STAG1: variants seen among roughly 807,000 people sequenced by gnomAD.
STAG1 encodes the protein STAG1 cohesin complex component, also known as cohesin subunit SA-1.
STAG1 carries 26 observed loss-of-function variants against 170.9 expected under a neutral mutation model. The ratio of observed to expected loss-of-function variants is 0.15; its 90% CI spans 0.11 to 0.21. STAG1 has a LOEUF of 0.21. STAG1 is among the 10% of genes least tolerant of loss of function. The pLI, the probability that STAG1 is intolerant of heterozygous loss-of-function variation, is 1.00. For synonymous variants in STAG1, 514 were observed against 497.7 expected (o/e 1.03, Z -0.44); for missense variants, 964 against 1,509.5 (o/e 0.64, Z 5.99).
intron 6 of STAG1, among the ~76,000 whole-genome samples, chr3:136,521,976 A>G (rs1313191238): frequency 6.6e-6 from 1 of 152,244 alleles, no homozygotes; most frequent in Non-Finnish European, 1.5e-5. Context: ...CACTGGACTG[A>G]TTAAGTTTTC....
chr3:136,747,354 G>C (rs1559987714), intron 1 of STAG1, among the ~76,000 whole-genome samples: 1 of 151,766 alleles, frequency 6.6e-6, no homozygotes, highest in Non-Finnish European at 1.5e-5. Context: ...ATGATTGTGT[G>C]ACTCTGCCAC....
chr3:136,646,337 T>C (rs1941012233), intron 1 of STAG1, among the ~76,000 whole-genome samples: 1 of 152,188 alleles, frequency 6.6e-6, no homozygotes, highest in Non-Finnish European at 1.5e-5. Context: ...TGTCCGTGGC[T>C]CCCTTTCTGA....
At chr3:136,368,718 AAGAC>A (rs1364316154) in intron 24 of STAG1, among the ~76,000 whole-genome samples, 8 of 152,180 alleles carry the variant, frequency 5.3e-5, no homozygotes, top group African/African-American at 1.4e-4. Flanking sequence ...CTGTTAGAGA[AAGAC>A]AGAGCTCTCT....
At chr3:136,736,567 T>C in intron 1 of STAG1, 4 of 1,512,236 alleles carry the variant, frequency 2.6e-6, no homozygotes, top group Non-Finnish European at 3.7e-6. Context: ...TTCCCCTTTG[T>C]ATTGGCTTGG....
chr3:136,687,809 T>G (rs1418510744), intron 1 of STAG1, among the ~76,000 whole-genome samples: 1 of 151,508 alleles, frequency 6.6e-6, no homozygotes, highest in Non-Finnish European at 1.5e-5. Context: ...TGATATCAGC[T>G]CACTGCAACC....
At chr3:136,465,648 A>T (rs2089434569) in intron 12 of STAG1, among the ~76,000 whole-genome samples, 2 of 151,452 alleles carry the variant, frequency 1.3e-5, no homozygotes, top group Admixed American at 6.6e-5. Flanking sequence ...ACATACTAAA[A>T]CCAACAAAAT....
In STAG1 at chr3:136,683,268, A is replaced by AT. The variant is rs35597261; in HGVS notation, c.-83-52288dup. On this transcript the variant is annotated intron_variant, in intron 1 of 33. Coordinates refer to ENST00000383202, the MANE Select transcript of STAG1 (RefSeq NM_005862.3). The stretch of plus-strand genomic sequence containing the variant: ...TAAATTTTATGTGTATTTCAACACA[A>AT]TTTTTTTTTTTTTGAGATGGAGTCT... 6.4e-4 allele frequency among the ~76,000 whole-genome samples: 95 copies of AT among 148,868 alleles called. 1 individual carries two copies. Among genetic ancestry groups the AT allele is most frequent in the East Asian group, 2.4e-3 (12 of 5,058 alleles).
intron 28 of STAG1, among the ~76,000 whole-genome samples, chr3:136,355,762 G>C (rs1019676384): frequency 6.6e-6 from 1 of 152,078 alleles, no homozygotes; most frequent in African/African-American, 2.4e-5. Flanking sequence ...GAAGAAATCA[G>C]TAAGAGAAGG....
At chr3:136,398,233 T>G (rs1344310675) in intron 22 of STAG1, among the ~76,000 whole-genome samples, 1 of 152,178 alleles carries the variant, frequency 6.6e-6, no homozygotes, top group East Asian at 1.9e-4. Context: ...TTCTCCTGCT[T>G]CAGCCTCCCA....
intron 8 of STAG1, among the ~76,000 whole-genome samples, chr3:136,501,514 T>C (rs977872950): frequency 5.3e-5 from 8 of 152,336 alleles, no homozygotes; most frequent in South Asian, 2.1e-4. Flanking sequence ...ATTGGAATTA[T>C]GCTGCCACCA....
intron 5 of STAG1, among the ~76,000 whole-genome samples, chr3:136,551,179 TTG>T (rs1491385170): frequency 6.9e-6 from 1 of 144,080 alleles, no homozygotes; most frequent in Non-Finnish European, 1.5e-5. Context: ...TTTTTTTTTT[TTG>T]AGAGAGAGAG....
At chr3:136,613,210 CAGG>C (rs1939390033) in intron 3 of STAG1, among the ~76,000 whole-genome samples, 1 of 144,754 alleles carries the variant, frequency 6.9e-6, no homozygotes, top group Middle Eastern at 3.6e-3. Flanking sequence ...GAGGCTGAGG[CAGG>C]AGAACGGTGT....
intron 1 of STAG1, among the ~76,000 whole-genome samples, chr3:136,719,553 G>C (rs933200033): frequency 6.6e-6 from 1 of 150,602 alleles, no homozygotes; most frequent in Non-Finnish European, 1.5e-5. Flanking sequence ...AGCAAGGAGC[G>C]GCAGCACTAC....
chr3:136,690,843 T>A (rs1384975010), intron 1 of STAG1, among the ~76,000 whole-genome samples: 1 of 151,668 alleles, frequency 6.6e-6, no homozygotes, highest in Admixed American at 6.6e-5. Context: ...ACCATGATAA[T>A]TTCTTTGGTG....
intron 4 of STAG1, among the ~76,000 whole-genome samples, chr3:136,580,353 G>A (rs1000281905): frequency 1.3e-5 from 2 of 151,608 alleles, no homozygotes; most frequent in African/African-American, 4.9e-5. Context: ...TAAATACTAG[G>A]TAAATAAAAA....
intron 21 of STAG1, among the ~76,000 whole-genome samples, chr3:136,417,001 T>C (rs1190137461): frequency 6.6e-6 from 1 of 151,936 alleles, no homozygotes; most frequent in Non-Finnish European, 1.5e-5. Flanking sequence ...CGCATGCCAC[T>C]GCATCTGGCT....
intron 26 of STAG1, among the ~76,000 whole-genome samples, chr3:136,359,745 G>C (rs1005684973): frequency 6.6e-6 from 1 of 152,176 alleles, no homozygotes; most frequent in African/African-American, 2.4e-5. Context: ...CTGTCCTCAA[G>C]TGATCCGCCT....
chr3:136,631,022 G>A, intron 1 of STAG1, 41 bp from the exon 2 acceptor site: 2 of 969,784 alleles, frequency 2.1e-6, no homozygotes, highest in South Asian at 1.8e-5. Flanking sequence ...AATAAAATGA[G>A]GATGACAAAA....
At chr3:136,571,193 G>A (rs1366653382) in intron 4 of STAG1, among the ~76,000 whole-genome samples, 1 of 152,128 alleles carries the variant, frequency 6.6e-6, no homozygotes, top group Non-Finnish European at 1.5e-5. Context: ...CAAAGTGATT[G>A]TACCAATTTA....
Sources: gnomAD v4.1 joint callset for allele counts (sites outside exome capture counted in the v4.1 genomes callset) on GRCh38, gnomAD v4.1.1 for gene constraint, MANE v1.5 for transcripts, NCBI Gene and HGNC (gene_info 2026-07-23, HGNC 2026-07-21) for gene names.